Variants in NCAPD3 observed in about 807,000 individuals in gnomAD.
The protein encoded by NCAPD3 is condensin-2 complex subunit D3.
Under a neutral mutation model 182.9 loss-of-function variants are expected in NCAPD3, and 105 were observed. That is an observed-to-expected ratio of 0.57 (90% CI 0.49 to 0.68). The LOEUF (loss-of-function observed/expected upper bound fraction) is 0.68, where lower values mean the gene tolerates loss of function less well. Ranked by LOEUF, NCAPD3 falls within the 30% of genes least tolerant of loss-of-function variation. The probability of loss-of-function intolerance (pLI) is 0.00; values close to 1 mark genes in which losing one functional copy is unlikely to be tolerated. For synonymous variants in NCAPD3, 815 were observed against 679.9 expected, an observed-to-expected ratio of 1.20 and a Z score of -3.09; for missense variants, 1,944 against 1,837.0, an observed-to-expected ratio of 1.06 and a Z score of -1.07.
At position 134,204,299 on chromosome 11, in the gene NCAPD3, A is replaced by T. The variant is rs1273257591; in HGVS notation, c.1090-128T>A. The T allele has an allele frequency of 9.6e-7, 1 of 1,039,910 alleles. No individual in the cohort carries two copies. Among genetic ancestry groups the T allele is most frequent in the Non-Finnish European group, 1.3e-6 (1 of 741,902 alleles). The allele number at this position is 1,039,910 out of a possible 1,614,324, so 64.4% of individuals were successfully genotyped here. ...ATGACCTTTAAATGTTACGTAAATG[A>T]CTAATAAATTTTAGGTTTTAGAACA... On this transcript the variant is annotated intron_variant, in intron 9 of 34. Coordinates refer to ENST00000534548, the MANE Select transcript of NCAPD3 (RefSeq NM_015261.3). This position sits in a 1 kb window ranked among gnomAD's most constrained non-coding sequence, Gnocchi z 4.3.
Position 134,219,251 on chromosome 11 carries a change from C to G in NCAPD3, c.219+1321G>C, listed in dbSNP as rs1343085113. Among the ~76,000 whole-genome samples, 4 of 152,346 alleles carry G rather than the reference C, an allele frequency of 2.6e-5. No homozygotes were observed. In the East Asian group the frequency reaches 7.7e-4, roughly 29 times the overall value. On this transcript the variant is annotated intron_variant, in intron 2 of 34. Transcript: ENST00000534548. ...ACTTTCTTTCTGGAACTTTCCCAACCCTACCATGCTCCCTTTTTCACACCC... is the reference window on the plus strand; with the variant it reads ...ACTTTCTTTCTGGAACTTTCCCAACGCTACCATGCTCCCTTTTTCACACCC...
upstream of NCAPD3, chr11:134,224,690 G>C (rs1043917306): frequency 2.0e-5 from 3 of 151,924 alleles, no homozygotes; most frequent in Non-Finnish European, 2.9e-5. Context: ...GAAGCGCCTC[G>C]GTGCGTTGCA....
At chr11:134,182,119 T>C (rs895508719) in intron 19 of NCAPD3, among the ~76,000 whole-genome samples, 5 of 152,220 alleles carry the variant, frequency 3.3e-5, no homozygotes, top group African/African-American at 1.2e-4. Flanking sequence ...GCAATTCTTA[T>C]GCTTGATCCC....
At chr11:134,210,545 C>T in intron 3 of NCAPD3, 91 bp from the exon 4 acceptor site, 1 of 1,162,782 alleles carries the variant, frequency 8.6e-7, no homozygotes, top group Non-Finnish European at 1.2e-6. Flanking sequence ...AAGCAAAACA[C>T]AGGCTTTTCA....
chr11:134,158,897 TCA>T (rs1243420420), intron 29 of NCAPD3, among the ~76,000 whole-genome samples: 65 of 152,304 alleles, frequency 4.3e-4, no homozygotes, highest in African/African-American at 1.5e-3. Flanking sequence ...CCTTTTTGGC[TCA>T]CATATATGAA....
chr11:134,156,387 G>A (rs1257492716), intron 32 of NCAPD3, among the ~76,000 whole-genome samples: 4 of 152,180 alleles, frequency 2.6e-5, no homozygotes, highest in African/African-American at 7.2e-5. Context: ...AGGACAGGAA[G>A]CATTTCTTCT....
intron 13 of NCAPD3, among the ~76,000 whole-genome samples, chr11:134,202,367 G>A (rs1303803836): frequency 2.0e-5 from 3 of 152,180 alleles, no homozygotes; most frequent in Non-Finnish European, 2.9e-5. Context: ...CAAAAAAGCA[G>A]ACTGCCCTGC....
At chr11:134,206,068 T>C (rs1937606633) in intron 8 of NCAPD3, among the ~76,000 whole-genome samples, 1 of 152,142 alleles carries the variant, frequency 6.6e-6, no homozygotes, top group Non-Finnish European at 1.5e-5. Context: ...CATGAGAGTT[T>C]TTAAGTGAAG....
chr11:134,192,864 C>A lies in NCAPD3; in HGVS notation c.1870G>T (p.Val624Leu). 6.2e-7 allele frequency: 1 copy of A among 1,612,504 alleles called. No individual in the cohort carries two copies. The highest frequency in any genetic ancestry group is 8.5e-7 in the Non-Finnish European group (1 of 1,178,574). ...TCGCAGTCCATCACCACCGGGACCA[C>A]CCCCCGCAACCAGGCTTTCTGGATC... is the stretch of plus-strand genomic sequence containing the variant. ...VQIQKAWLRG[V>L]VPVVMDCEST... Residue 624 changes from valine to leucine, a missense_variant, in exon 16 of 35, where the codon GTG becomes TTG. Around this residue, in one of 3 missense-constraint regions of NCAPD3, gnomAD observed 1,803 missense variants for 1,674.6 expected, o/e 1.08. Transcript: ENST00000534548.
chr11:134,216,475 T>TG (rs1284248021), intron 3 of NCAPD3, among the ~76,000 whole-genome samples: 3 of 152,224 alleles, frequency 2.0e-5, no homozygotes, highest in Non-Finnish European at 4.4e-5. Context: ...AACAGACTCC[T>TG]GGTCAGTGCT....
At chr11:134,184,176 CAA>C (rs978538033) in intron 19 of NCAPD3, among the ~76,000 whole-genome samples, 4 of 152,200 alleles carry the variant, frequency 2.6e-5, no homozygotes, top group African/African-American at 9.7e-5. Context: ...ACGATACCAA[CAA>C]GAGATATTTG....
chr11:134,185,357 GTAT>G lies in NCAPD3; in HGVS notation c.2212_2214del (p.Ile738del), dbSNP rs1231764194. On this transcript the variant is annotated inframe_deletion, in exon 17 of 35. Coordinates refer to ENST00000534548, the MANE Select transcript of NCAPD3 (RefSeq NM_015261.3). ...AACCTGCTGATTTTCTCCCAAGATT[GTAT>G]TATTCTGCTGTAGTCCAGCCTGGGT... The G allele has an allele frequency of 6.2e-7, 1 of 1,608,460 alleles. No homozygotes were observed. The highest frequency in any genetic ancestry group is 1.3e-5 in the African/African-American group (1 of 74,594).
At chr11:134,163,206 T>C (rs899952155) in intron 27 of NCAPD3, among the ~76,000 whole-genome samples, 2 of 152,140 alleles carry the variant, frequency 1.3e-5, no homozygotes, top group African/African-American at 2.4e-5. Context: ...TTTAAAGATT[T>C]CACTAGTGAA....
intron 19 of NCAPD3, among the ~76,000 whole-genome samples, chr11:134,182,708 C>T (rs1368995317): frequency 1.3e-5 from 2 of 152,224 alleles, no homozygotes; most frequent in African/African-American, 4.8e-5. Flanking sequence ...AGTCACAAAA[C>T]AGATAACAAA....
Position 134,177,707 on chromosome 11 carries a change from T to C in NCAPD3, c.2783-250A>G, listed in dbSNP as rs898354682. On this transcript the variant is annotated intron_variant, in intron 22 of 34. Transcript: ENST00000534548. Reference sequence around the variant, plus strand: ...ATGTTCCTTTACACTAATAAAATCATCTTCCTTTTAAAGTCAACATTTGAA... The same window carrying C: ...ATGTTCCTTTACACTAATAAAATCACCTTCCTTTTAAAGTCAACATTTGAA... 6.3e-4 allele frequency: 298 copies of C among 474,978 alleles called. 2 individuals are homozygous for C. Among genetic ancestry groups the C allele is most frequent in the Non-Finnish European group, 1.4e-4 (38 of 267,942 alleles). 29.4% of individuals were successfully genotyped at this position (474,978 alleles called of 1,614,324 possible).
At chr11:134,196,001 G>A (rs942691190) in intron 13 of NCAPD3, among the ~76,000 whole-genome samples, 1 of 152,034 alleles carries the variant, frequency 6.6e-6, no homozygotes, top group Admixed American at 6.6e-5. Context: ...ATATAAGAAG[G>A]CAGCTTAAAA....
At chr11:134,167,723 GGC>G (rs1943891400) in intron 27 of NCAPD3, among the ~76,000 whole-genome samples, 2 of 136,804 alleles carry the variant, frequency 1.5e-5, no homozygotes, top group Non-Finnish European at 3.1e-5. Context: ...GCTTGGGGGA[GGC>G]GCACACTCGT....
chr11:134,156,945 G>A (rs1943437482), intron 32 of NCAPD3, 73 bp downstream of exon 32: 19 of 1,344,240 alleles, frequency 1.4e-5, no homozygotes, highest in Non-Finnish European at 1.8e-5. Context: ...GAGTTTTACT[G>A]CGACTCTAGC....
intron 27 of NCAPD3, among the ~76,000 whole-genome samples, chr11:134,165,824 T>C (rs1233106205): frequency 2.2e-5 from 3 of 137,276 alleles, no homozygotes; most frequent in Non-Finnish European, 4.7e-5. Context: ...TGAGATGAGC[T>C]TGGGGGAGGC....
Sources: allele counts gnomAD v4.1 joint callset (sites outside exome capture counted in the v4.1 genomes callset), GRCh38; gene constraint gnomAD v4.1.1; regional missense constraint gnomAD v4.1.1; non-coding constraint Gnocchi (gnomAD v3.1); transcripts MANE v1.5; gene names NCBI Gene and HGNC (gene_info 2026-07-23, HGNC 2026-07-21).